BLK: variants seen among roughly 807,000 people sequenced by gnomAD.
The protein encoded by BLK is tyrosine-protein kinase Blk.
Under a neutral mutation model 61.8 loss-of-function variants are expected in BLK, and 64 were observed. That is an observed-to-expected ratio of 1.03 (90% CI 0.85 to 1.27). The LOEUF (loss-of-function observed/expected upper bound fraction) is 1.27. Ranked by LOEUF, BLK falls within the 50% of genes most tolerant of loss-of-function variation. The pLI, the probability that BLK is intolerant of heterozygous loss-of-function variation, is 0.00. For synonymous variants in BLK, 351 were observed against 272.0 expected (o/e 1.29, Z -2.86); for missense variants, 853 against 660.5 (o/e 1.29, Z -3.19).
At chr8:11,505,571 C>T (rs896990759) in intron 1 of BLK, among the ~76,000 whole-genome samples, 1 of 152,220 alleles carries the variant, frequency 6.6e-6, no homozygotes, top group African/African-American at 2.4e-5. Flanking sequence ...TTCAGGCCCT[C>T]CCCCTTCTAG....
At chr8:11,549,205 AGT>A in intron 5 of BLK, 83 bp downstream of exon 5, 1 of 1,275,902 alleles carries the variant, frequency 7.8e-7, no homozygotes. Flanking sequence ...GCAGGGCCAG[AGT>A]GGGACTGACC....
rs570623074 is a variant in BLK at position 11,547,095 on chromosome 8, T to C, written c.176-937T>C. 2.0e-5 allele frequency among the ~76,000 whole-genome samples: 3 copies of C among 152,356 alleles called. No individual in the cohort carries two copies. In the South Asian group the frequency reaches 6.2e-4, roughly 32 times the overall value. On this transcript the variant is annotated intron_variant, in intron 3 of 12. Transcript: ENST00000259089. The stretch of plus-strand genomic sequence containing the variant: ...CCCATTAACCTGCTCATATGATGTG[T>C]ACTGGGCATTCAGCACACAGAGCCC...
At position 11,555,363 on chromosome 8, in the gene BLK, C is replaced by T. The variant is rs1453871549; in HGVS notation, c.651C>T (p.Thr217=). ...KKGDGLCQRL[T]LPCVRPAPQN... The stretch of plus-strand genomic sequence containing the variant: ...GGGATGGTCTATGCCAGAGGCTGAC[C>T]CTGCCCTGTGTGCGCCCGGCCCCGC... The change falls in exon 8 of 13, where the codon ACC becomes ACT. Residue 217 remains threonine, a synonymous_variant. Transcript: ENST00000259089. The T allele has an allele frequency of 6.2e-7, 1 of 1,614,124 alleles. No individual in the cohort carries two copies. Among genetic ancestry groups the T allele is most frequent in the Admixed American group, 1.7e-5 (1 of 60,034 alleles).
At chr8:11,556,870 C>T (rs369928039) in intron 9 of BLK, 33 bp downstream of exon 9, 220 of 1,607,178 alleles carry the variant, frequency 1.4e-4, no homozygotes, top group African/African-American at 2.9e-4. Context: ...ATCCTCAGAG[C>T]GAGGCGGGAG....
At chr8:11,560,997 C>T (rs774428525) in intron 10 of BLK, 10 of 574,928 alleles carry the variant, frequency 1.7e-5, no homozygotes, top group South Asian at 3.0e-5. Flanking sequence ...TCCTTTTCTC[C>T]TGCCTGTGTT....
At chr8:11,504,235 T>C (rs1483227394) in intron 1 of BLK, among the ~76,000 whole-genome samples, 2 of 151,616 alleles carry the variant, frequency 1.3e-5, no homozygotes, top group Non-Finnish European at 2.9e-5. Flanking sequence ...GGTAGGAGAA[T>C]TGCTTGAACC....
intron 1 of BLK, among the ~76,000 whole-genome samples, chr8:11,524,892 G>C (rs912628692): frequency 4.1e-5 from 6 of 145,172 alleles, no homozygotes; most frequent in Admixed American, 7.1e-5. Context: ...ACAGGATGTA[G>C]ATAATGATCC....
At chr8:11,505,763 C>G (rs1026861012) in intron 1 of BLK, among the ~76,000 whole-genome samples, 1 of 152,208 alleles carries the variant, frequency 6.6e-6, no homozygotes, top group Non-Finnish European at 1.5e-5. Context: ...CCCATTGAGG[C>G]CTCCAGGGAG....
At chr8:11,510,430 A>G (rs1410441193) in intron 1 of BLK, among the ~76,000 whole-genome samples, 1 of 152,072 alleles carries the variant, frequency 6.6e-6, no homozygotes, top group East Asian at 1.9e-4. Flanking sequence ...CATCATCTAA[A>G]CCAGGGTTTC....
At chr8:11,526,552 C>A (rs1171736833) in intron 1 of BLK, among the ~76,000 whole-genome samples, 1 of 152,122 alleles carries the variant, frequency 6.6e-6, no homozygotes, top group Non-Finnish European at 1.5e-5. Context: ...AACCCCATCT[C>A]TAATACAAAT....
chr8:11,541,067 A>C (rs1186062369), intron 1 of BLK, among the ~76,000 whole-genome samples: 2 of 152,144 alleles, frequency 1.3e-5, no homozygotes, highest in Non-Finnish European at 2.9e-5. Flanking sequence ...GGAGTTTGAG[A>C]CCAGCCTGCA....
intron 1 of BLK, among the ~76,000 whole-genome samples, chr8:11,525,535 G>C (rs1799620625): frequency 6.6e-6 from 1 of 152,074 alleles, no homozygotes; most frequent in African/African-American, 2.4e-5. Flanking sequence ...TTCTTTGCCA[G>C]TTCAGATCTC....
At chr8:11,517,028 G>C (rs774289721) in intron 1 of BLK, among the ~76,000 whole-genome samples, 1 of 152,228 alleles carries the variant, frequency 6.6e-6, no homozygotes, top group Non-Finnish European at 1.5e-5. Flanking sequence ...CTCTGAATGA[G>C]AGGGTGACAC....
chr8:11,531,982 C>A (rs1169861597), intron 1 of BLK, among the ~76,000 whole-genome samples: 3 of 152,032 alleles, frequency 2.0e-5, no homozygotes, highest in African/African-American at 7.3e-5. Context: ...CATCAGCCTC[C>A]CAAGTAGCTG....
intron 1 of BLK, among the ~76,000 whole-genome samples, chr8:11,503,137 G>C (rs936635726): frequency 1.3e-5 from 2 of 152,222 alleles, no homozygotes; most frequent in Non-Finnish European, 2.9e-5. Flanking sequence ...AACTGAAGGA[G>C]GCCCTGATGC....
At chr8:11,537,973 T>G (rs1666366826) in intron 1 of BLK, among the ~76,000 whole-genome samples, 1 of 151,962 alleles carries the variant, frequency 6.6e-6, no homozygotes, top group African/African-American at 2.4e-5. Flanking sequence ...CAACTCCCCT[T>G]TCCCACTTCC....
chr8:11,562,578 G>C (rs1308014553), intron 11 of BLK, among the ~76,000 whole-genome samples: 2 of 152,212 alleles, frequency 1.3e-5, no homozygotes, highest in Non-Finnish European at 2.9e-5. Flanking sequence ...TTGCAGGAAG[G>C]GACTAACGGA....
chr8:11,554,989 G>T lies in BLK; in HGVS notation c.619+100G>T, dbSNP rs574451333. On this transcript the variant is annotated intron_variant, in intron 7 of 12. Transcript: ENST00000259089. ...TGTGAGTCATTGGTGCCACCTTGGG[G>T]GATGGAAAGATTATCCCAAAGTTAG... 41 of 1,512,364 alleles carry T rather than the reference G, an allele frequency of 2.7e-5. No individual in the cohort carries two copies. The South Asian group carries it at 4.3e-4, about 16-fold the overall frequency. 93.7% of individuals were successfully genotyped at this position (1,512,364 alleles called of 1,614,324 possible).
At chr8:11,544,903 G>T (rs1304608310) in intron 2 of BLK, among the ~76,000 whole-genome samples, 2 of 152,164 alleles carry the variant, frequency 1.3e-5, no homozygotes, top group East Asian at 3.8e-4. Flanking sequence ...CCCAACTTCA[G>T]ACAAGAAAGA....
Sources: gnomAD v4.1 joint callset for allele counts (sites outside exome capture counted in the v4.1 genomes callset) on GRCh38, gnomAD v4.1.1 for gene constraint, MANE v1.5 for transcripts, NCBI Gene and HGNC (gene_info 2026-07-23, HGNC 2026-07-21) for gene names.